Variants in GRIK2 observed in about 807,000 individuals in gnomAD.
The protein encoded by GRIK2 is glutamate ionotropic receptor kainate type subunit 2.
In GRIK2, 32 loss-of-function variants were observed where a neutral mutation model predicts 100.3. That is an observed-to-expected ratio of 0.32 (90% CI 0.24 to 0.43). GRIK2 has a LOEUF of 0.43. Among genes scored for constraint, GRIK2 ranks in the 20% least tolerant of loss-of-function variants. The probability of loss-of-function intolerance (pLI) is 1.00; values close to 1 mark genes in which losing one functional copy is unlikely to be tolerated. For synonymous variants in GRIK2, 417 were observed against 389.4 expected (o/e 1.07, Z -0.83); for missense variants, 843 against 1,114.9 (o/e 0.76, Z 3.47).
chr6:101,903,100 GAGAA>G (rs1410618293), intron 12 of GRIK2, among the ~76,000 whole-genome samples: 1 of 151,872 alleles, frequency 6.6e-6, no homozygotes. Context: ...AGGGAGAAAA[GAGAA>G]AGAGCAACCT....
At chr6:101,592,625 T>TATATATATA in intron 2 of GRIK2, among the ~76,000 whole-genome samples, 1 of 84,492 alleles carries the variant, frequency 1.2e-5, no homozygotes, top group South Asian at 3.7e-4. Flanking sequence ...ATATATATAT[T>TATATATATA]GCTTTTTCAC....
intron 2 of GRIK2, among the ~76,000 whole-genome samples, chr6:101,456,324 A>G (rs527986994): frequency 3.3e-5 from 5 of 152,022 alleles, no homozygotes; most frequent in African/African-American, 4.8e-5. Context: ...CACATTTTCA[A>G]TTTGAGGAGG....
chr6:101,604,260 G>A (rs1779351588), intron 2 of GRIK2, among the ~76,000 whole-genome samples: 1 of 151,532 alleles, frequency 6.6e-6, no homozygotes, highest in South Asian at 2.1e-4. Flanking sequence ...TAAAATTAAA[G>A]TATTTAAAAA....
chr6:101,839,428 G>A (rs1398121140), intron 10 of GRIK2, among the ~76,000 whole-genome samples: 1 of 152,208 alleles, frequency 6.6e-6, no homozygotes, highest in Non-Finnish European at 1.5e-5. Context: ...ATGTAGCACA[G>A]AAAATGTAAG....
At chr6:101,868,533 A>G (rs945978204) in intron 11 of GRIK2, among the ~76,000 whole-genome samples, 1 of 151,778 alleles carries the variant, frequency 6.6e-6, no homozygotes, top group African/African-American at 2.4e-5. Context: ...TATTACTACC[A>G]TAACAGCAGA....
At chr6:101,610,260 T>G (rs1332928508) in intron 2 of GRIK2, among the ~76,000 whole-genome samples, 1 of 151,662 alleles carries the variant, frequency 6.6e-6, no homozygotes, top group African/African-American at 2.4e-5. Flanking sequence ...GATACTGTTT[T>G]GTATATAATA....
chr6:101,634,847 A>T (rs1780929376), intron 4 of GRIK2, among the ~76,000 whole-genome samples: 1 of 152,068 alleles, frequency 6.6e-6, no homozygotes, highest in Non-Finnish European at 1.5e-5. Flanking sequence ...ACTTTCTTAA[A>T]ACACTAACTT....
intron 7 of GRIK2, among the ~76,000 whole-genome samples, chr6:101,741,423 G>A (rs1776024219): frequency 6.6e-6 from 1 of 152,130 alleles, no homozygotes; most frequent in South Asian, 2.1e-4. Flanking sequence ...GTTAACTGAC[G>A]ATAGATAGAT....
chr6:101,917,609 A>T (rs761512035), intron 12 of GRIK2, among the ~76,000 whole-genome samples: 2 of 150,870 alleles, frequency 1.3e-5, no homozygotes, highest in South Asian at 4.2e-4. Flanking sequence ...AGTTTGGATG[A>T]TGTAACTTCT....
intron 14 of GRIK2, among the ~76,000 whole-genome samples, chr6:102,020,229 T>C (rs1318699736): frequency 6.6e-6 from 1 of 150,566 alleles, no homozygotes; most frequent in Non-Finnish European, 1.5e-5. Flanking sequence ...TTAGTTGCTT[T>C]ATTTATAGTG....
chr6:101,445,275 A>G (rs1770313091), intron 2 of GRIK2, among the ~76,000 whole-genome samples: 2 of 152,040 alleles, frequency 1.3e-5, no homozygotes, highest in African/African-American at 2.4e-5. Flanking sequence ...CTAAAAGCTG[A>G]TGGTGGTTGT....
At chr6:102,006,390 A>ATCTATATTTTT (rs1315524835) in intron 14 of GRIK2, among the ~76,000 whole-genome samples, 1 of 114,104 alleles carries the variant, frequency 8.8e-6, no homozygotes, top group African/African-American at 4.6e-5. Flanking sequence ...ATATATATAT[A>ATCTATATTTTT]TTTTTTTTTT....
At chr6:101,572,430 C>A (rs527629689) in intron 2 of GRIK2, among the ~76,000 whole-genome samples, 1 of 151,934 alleles carries the variant, frequency 6.6e-6, no homozygotes, top group South Asian at 2.1e-4. Flanking sequence ...TGTAAGTGTG[C>A]GTAATACAAT....
intron 14 of GRIK2, among the ~76,000 whole-genome samples, chr6:101,996,057 A>C (rs1794635497): frequency 6.6e-6 from 1 of 151,928 alleles, no homozygotes; most frequent in Admixed American, 6.6e-5. Context: ...TGCTGAGTAA[A>C]TTGTTTCAGA....
chr6:101,637,788 T>C (rs1781094746), intron 4 of GRIK2, among the ~76,000 whole-genome samples: 1 of 152,040 alleles, frequency 6.6e-6, no homozygotes, highest in Non-Finnish European at 1.5e-5. Flanking sequence ...TTCCTTCTCT[T>C]AATATTGTGC....
intron 12 of GRIK2, among the ~76,000 whole-genome samples, chr6:101,914,028 A>G (rs1788933490): frequency 6.6e-6 from 1 of 151,492 alleles, no homozygotes; most frequent in Admixed American, 6.6e-5. Context: ...GACAAAAGAG[A>G]TATAGGTGAG....
At chr6:102,034,829 A>G (rs553641271) in intron 14 of GRIK2, among the ~76,000 whole-genome samples, 1 of 151,476 alleles carries the variant, frequency 6.6e-6, no homozygotes, top group Non-Finnish European at 1.5e-5. Flanking sequence ...TCTTCAACCC[A>G]TACATTTTTT....
At chr6:101,557,996 G>A (rs78182543) in intron 2 of GRIK2, among the ~76,000 whole-genome samples, 5,325 of 152,122 alleles carry the variant, frequency 0.035, 141 homozygotes, top group Non-Finnish European at 0.051. Context: ...ACTGCCCTTC[G>A]GTAGCAAATT....
chr6:101,783,964 T>C (rs1779264621), intron 7 of GRIK2, among the ~76,000 whole-genome samples: 1 of 152,196 alleles, frequency 6.6e-6, no homozygotes, highest in African/African-American at 2.4e-5. Flanking sequence ...TTGGATCTTA[T>C]GTTTAAAAAT....
Sources: allele counts gnomAD v4.1 joint callset (sites outside exome capture counted in the v4.1 genomes callset), GRCh38; gene constraint gnomAD v4.1.1; transcripts MANE v1.5; gene names NCBI Gene and HGNC (gene_info 2026-07-23, HGNC 2026-07-21).